The following TEX14 variants were observed in gnomAD, a reference collection of about 807,000 sequenced individuals.
TEX14 encodes the protein testis expressed 14, intercellular bridge forming factor, also known as inactive serine/threonine-protein kinase TEX14.
A neutral mutation model predicts 178.6 loss-of-function variants in TEX14; 168 were observed. The ratio of observed to expected loss-of-function variants is 0.94; its 90% CI spans 0.83 to 1.07. The LOEUF (loss-of-function observed/expected upper bound fraction) is 1.07, where lower values mean the gene tolerates loss of function less well. Ranked by LOEUF, TEX14 falls within the 50% of genes least tolerant of loss-of-function variation. TEX14 has a pLI of 0.00. For synonymous variants in TEX14, 626 were observed against 634.1 expected (o/e 0.99, Z 0.19); for missense variants, 1,730 against 1,753.6 (o/e 0.99, Z 0.24).
Position 58,611,203 on chromosome 17 carries a change from G to A in TEX14, c.1142C>T (p.Pro381Leu). Residue 381 changes from proline (P) to leucine (L), a missense_variant, in exon 10 of 32, where the codon CCA becomes CTA. Pro to Leu is a moderately conservative substitution (Grantham distance 98, BLOSUM62 -3). This residue lies in a region of TEX14 where 789 missense variants were observed against 681.2 expected (regional missense o/e 1.16). Coordinates refer to ENST00000349033, the MANE Select transcript of TEX14 (RefSeq NM_031272.5). ...CAGGTTGGTCAGCCTCGCTTCACCTGGGGAGATGATATGGACAGCATAGGA... is the reference window on the plus strand; with the variant it reads ...CAGGTTGGTCAGCCTCGCTTCACCTAGGGAGATGATATGGACAGCATAGGA... ...LSSYAVHIIS[P>L]GEARLTNLEY... The A allele has an allele frequency of 1.2e-6, 2 of 1,613,932 alleles. No individual in the cohort carries two copies. The highest frequency in any genetic ancestry group is 1.7e-6 in the Non-Finnish European group (2 of 1,179,846).
At position 58,622,409 on chromosome 17, in the gene TEX14, G is replaced by A. The variant is rs185787159; in HGVS notation, c.417+438C>T. Among the ~76,000 whole-genome samples the A allele has an allele frequency of 6.7e-5, 10 of 150,316 alleles. No individual in the cohort carries two copies. In the Admixed American group the frequency reaches 6.7e-4, roughly 10 times the overall value. On this transcript the variant is annotated intron_variant, in intron 4 of 31. Coordinates refer to ENST00000349033, the MANE Select transcript of TEX14 (RefSeq NM_031272.5). The stretch of plus-strand genomic sequence containing the variant: ...TGCAGTGAGCTGAGCTCGCGCCACT[G>A]CACTCCAGCCTGGGCAAGACTCCTT...
In TEX14 at chr17:58,604,958, C is replaced by G. The variant is rs779111498; in HGVS notation, c.1336+20G>C. 10 of 1,613,656 alleles carry G rather than the reference C, an allele frequency of 6.2e-6. No homozygotes were observed. The highest frequency in any genetic ancestry group is 2.7e-5 in the African/African-American group (2 of 74,920). On this transcript the variant is annotated intron_variant, in intron 11 of 31. Coordinates refer to ENST00000349033, the MANE Select transcript of TEX14 (RefSeq NM_031272.5). ...CCTAAGAATAGGGACTTTGGTCAAC[C>G]ATTAATGATCTTGATCTACCTGTTA... is the stretch of plus-strand genomic sequence containing the variant.
In TEX14 at chr17:58,601,801, C is replaced by T; in HGVS notation, c.1678+5G>A. 6.2e-7 allele frequency: 1 copy of T among 1,611,814 alleles called. No individual in the cohort carries two copies. Among genetic ancestry groups the T allele is most frequent in the Middle Eastern group, 2.1e-4 (1 of 4,840 alleles). On this transcript the variant is annotated splice_donor_5th_base_variant and intron_variant, in intron 13 of 31. Coordinates refer to ENST00000349033, the MANE Select transcript of TEX14 (RefSeq NM_031272.5). The stretch of plus-strand genomic sequence containing the variant: ...ACTAACACAACCTGTGAATTAAGGC[C>T]ATACCCATTTCCTTTAGTTCTATGA...
intron 14 of TEX14, among the ~76,000 whole-genome samples, chr17:58,594,450 A>G (rs1434256307): frequency 6.6e-6 from 1 of 151,370 alleles, no homozygotes; most frequent in African/African-American, 2.4e-5. Flanking sequence ...TCCCAGGCTC[A>G]AGAGATTCTC....
At chr17:58,564,077 C>T (rs2044347349) in intron 28 of TEX14, 1 of 152,060 alleles carries the variant, frequency 6.6e-6, no homozygotes, top group African/African-American at 2.4e-5. Context: ...CCCTTGTGCA[C>T]TGTTGGTGGG....
At position 58,691,238 on chromosome 17, in the gene TEX14, C is replaced by T. The variant is rs144974850; in HGVS notation, c.-2+701G>A. 1.6e-4 allele frequency among the ~76,000 whole-genome samples: 25 copies of T among 152,176 alleles called. No homozygotes were observed. In the East Asian group the frequency reaches 4.2e-3, roughly 26 times the overall value. Reference sequence around the variant, plus strand: ...TATCTTCCTTTTGGCATGGCTATGGCCATTTGAAATGTGTGGGATTTGCTA... The same window carrying T: ...TATCTTCCTTTTGGCATGGCTATGGTCATTTGAAATGTGTGGGATTTGCTA... On this transcript the variant is annotated intron_variant, in intron 1 of 31. Coordinates refer to ENST00000349033, the MANE Select transcript of TEX14 (RefSeq NM_031272.5).
chr17:58,593,767 C>A, intron 14 of TEX14, 106 bp from the exon 15 acceptor site: 3 of 893,784 alleles, frequency 3.4e-6, no homozygotes, highest in Non-Finnish European at 5.3e-6. Context: ...TAGAAATAAC[C>A]AGACCTACCA....
intron 1 of TEX14, among the ~76,000 whole-genome samples, chr17:58,685,886 T>G (rs2047581488): frequency 6.7e-6 from 1 of 148,868 alleles, no homozygotes; most frequent in Admixed American, 6.9e-5. Flanking sequence ...TCCCAGCTAC[T>G]CAGGAGGTTG....
At chr17:58,593,798 C>T in intron 14 of TEX14, 137 bp from the exon 15 acceptor site, 1 of 714,768 alleles carries the variant, frequency 1.4e-6, no homozygotes, top group Non-Finnish European at 2.4e-6. Context: ...TTGCATGTTT[C>T]CTATCTGCTA....
intron 4 of TEX14, among the ~76,000 whole-genome samples, chr17:58,622,128 T>A (rs2046012053): frequency 6.6e-6 from 1 of 152,186 alleles, no homozygotes; most frequent in Non-Finnish European, 1.5e-5. Flanking sequence ...GAGTTTTACA[T>A]TTATGTTATT....
At chr17:58,636,840 G>A (rs1433986329) in intron 2 of TEX14, among the ~76,000 whole-genome samples, 1 of 152,006 alleles carries the variant, frequency 6.6e-6, no homozygotes, top group Non-Finnish European at 1.5e-5. Context: ...TTGAACTCGG[G>A]AGGCAGAGGT....
intron 12 of TEX14, among the ~76,000 whole-genome samples, 173 bp downstream of exon 12, chr17:58,602,227 T>A (rs1460657594): frequency 6.6e-6 from 1 of 152,240 alleles, no homozygotes; most frequent in Non-Finnish European, 1.5e-5. Flanking sequence ...AATTCCATGC[T>A]GCTTTCACCA....
intron 14 of TEX14, 28 bp from the exon 15 acceptor site, chr17:58,593,689 G>T (rs755849257): frequency 1.3e-6 from 2 of 1,563,236 alleles, no homozygotes; most frequent in South Asian, 1.1e-5. Flanking sequence ...ATGTTTCAGG[G>T]CTTTGATGAG....
At chr17:58,622,193 T>C (rs1002830162) in intron 4 of TEX14, among the ~76,000 whole-genome samples, 1 of 152,186 alleles carries the variant, frequency 6.6e-6, no homozygotes, top group African/African-American at 2.4e-5. Flanking sequence ...ATGCCTGTAA[T>C]TCCAGCACTT....
rs142903854 is a variant in TEX14 at position 58,570,398 on chromosome 17, C to G, written c.3804G>C (p.Arg1268Ser). ...DSSPPHATQR[R>S]SLPKVEAFSQ... ...AACACAGGGTACCTTTAGGCAGGCT[C>G]CTTCTCTGGGTGGCATGGGGTGGTG... is the stretch of plus-strand genomic sequence containing the variant. Residue 1268 changes from arginine to serine, a missense_variant, in exon 25 of 32, where the codon AGG becomes AGC. By Grantham distance (110) the Arg-to-Ser change is moderately radical (BLOSUM62 -1). This residue lies in a region of TEX14 where 941 missense variants were observed against 1,072.4 expected (regional missense o/e 0.88). Transcript: ENST00000349033. 28 of 1,515,396 alleles carry G rather than the reference C, an allele frequency of 1.8e-5. No individual in the cohort carries two copies. The African/African-American group carries it at 4.0e-4, about 21-fold the overall frequency. 93.9% of individuals were successfully genotyped at this position (1,515,396 alleles called of 1,614,324 possible).
At chr17:58,636,619 C>G (rs1206304852) in intron 2 of TEX14, among the ~76,000 whole-genome samples, 1 of 152,164 alleles carries the variant, frequency 6.6e-6, no homozygotes, top group Non-Finnish European at 1.5e-5. Context: ...ACCACTGTCT[C>G]TGTGATATTG....
chr17:58,604,493 A>G (rs2045558008), intron 11 of TEX14, among the ~76,000 whole-genome samples: 2 of 151,622 alleles, frequency 1.3e-5, no homozygotes. Flanking sequence ...AAATAAAAAT[A>G]AAAATAAATT....
chr17:58,653,903 C>T (rs866363556), intron 1 of TEX14, among the ~76,000 whole-genome samples: 2 of 152,142 alleles, frequency 1.3e-5, no homozygotes, highest in South Asian at 2.1e-4. Context: ...GAAACTGGGC[C>T]GGGCATGGTG....
chr17:58,569,912 T>A lies in TEX14; in HGVS notation c.3817+473A>T, dbSNP rs1269244110. On this transcript the variant is annotated intron_variant, in intron 25 of 31. Transcript: ENST00000349033. The surrounding 1 kb of genome is among the most constrained non-coding windows in gnomAD (Gnocchi z 4.1). The stretch of plus-strand genomic sequence containing the variant: ...CTAAGAATCTATCCTAAGGAAAGGA[T>A]CAGAGGTACAGATAAAAATTTATGT... 6.6e-6 allele frequency among the ~76,000 whole-genome samples: 1 copy of A among 152,170 alleles called. No homozygotes were observed. Among genetic ancestry groups the A allele is most frequent in the Non-Finnish European group, 1.5e-5 (1 of 68,030 alleles).
Sources: gnomAD v4.1 joint callset for allele counts (sites outside exome capture counted in the v4.1 genomes callset) on GRCh38, gnomAD v4.1.1 for gene constraint, gnomAD v4.1.1 regional missense constraint, Gnocchi (gnomAD v3.1) non-coding constraint, MANE v1.5 for transcripts, NCBI Gene and HGNC (gene_info 2026-07-23, HGNC 2026-07-21) for gene names.